ASCL2: variants seen among roughly 807,000 people sequenced by gnomAD.
ASCL2 encodes achaete-scute homolog 2.
A neutral mutation model predicts 5.1 loss-of-function variants in ASCL2; 6 were observed. That is an observed-to-expected ratio of 1.17 (90% confidence interval 0.64 to 2.31). The LOEUF is 2.31. Ranked by LOEUF, ASCL2 falls within the 30% of genes most tolerant of loss-of-function variation. ASCL2 has a pLI of 0.00. For synonymous variants in ASCL2, 174 were observed against 157.3 expected, an observed-to-expected ratio of 1.11 and a Z score of -0.80; for missense variants, 320 against 310.3, an observed-to-expected ratio of 1.03 and a Z score of -0.23.
chr11:2,269,918 C>T lies in ASCL2; in HGVS notation c.415G>A (p.Val139Ile), dbSNP rs1847229116. 1.7e-5 allele frequency: 22 copies of T among 1,282,630 alleles called. No individual in the cohort carries two copies. Among genetic ancestry groups the T allele is most frequent in the Non-Finnish European group, 2.1e-5 (21 of 1,010,782 alleles). The allele number at this position is 1,282,630 out of a possible 1,614,324, so 79.5% of individuals were successfully genotyped here. The change falls in exon 1 of 2, where the codon GTC becomes ATC. Residue 139 changes from valine (V) to isoleucine (I), a missense_variant. Transcript: ENST00000331289. ...GAAGCGCGGGAGGGCGAGGCGGCGA[C>T]CGGGGTGGTCCCTGGCGGCCCGCGG... The part of the protein sequence containing the change: ...APRGPPGTTP[V>I]AASPSRASSS...
At chr11:2,269,397 C>G (rs1425825541) in intron 1 of ASCL2, among the ~76,000 whole-genome samples, 2 of 151,716 alleles carry the variant, frequency 1.3e-5, no homozygotes, top group Non-Finnish European at 2.9e-5. Context: ...ATTTGCAATG[C>G]AAAGTCACCC....
rs1590199771 is a variant in ASCL2 at position 2,270,420 on chromosome 11, G to A, written c.-88C>T. 12 of 1,255,772 alleles carry A rather than the reference G, an allele frequency of 9.6e-6. No homozygotes were observed. In the East Asian group the frequency reaches 2.9e-4, roughly 30 times the overall value. The allele number at this position is 1,255,772 out of a possible 1,614,324, so 77.8% of individuals were successfully genotyped here. On this transcript the variant is annotated 5_prime_UTR_variant, in exon 1 of 2. Transcript: ENST00000331289. ...AACCGGAGGCGACGGGGAAAACTGT[G>A]GCGCCCCAAGGGGGCTTCTGGCACG... is the stretch of plus-strand genomic sequence containing the variant.
rs1048384715 is a variant in ASCL2, at chr11:2,270,012, G to C, written c.321C>G (p.Ala107=). Residue 107 remains alanine (A), a synonymous_variant, in exon 1 of 2, where the codon GCC becomes GCG. Coordinates refer to ENST00000331289, the MANE Select transcript of ASCL2 (RefSeq NM_005170.3). ...GCGCGTTGCGCACGGCGTCGTGCTC[G>C]GCCAGCAGGCGCTGCAGCGCGCGGA... is the stretch of plus-strand genomic sequence containing the variant. ...EYIRALQRLL[A]EHDAVRNALA... 1.1e-5 allele frequency: 15 copies of C among 1,376,856 alleles called. No homozygotes were observed. Among genetic ancestry groups the C allele is most frequent in the South Asian group, 8.2e-5 (5 of 61,004 alleles). The allele number at this position is 1,376,856 out of a possible 1,614,324, so 85.3% of individuals were successfully genotyped here. A position where few individuals can be genotyped will look rare whatever the true frequency, so the allele number is the denominator to read the frequency against.
rs1467054379 is a variant in ASCL2 at position 2,270,309 on chromosome 11, C to A, written c.24G>T (p.Arg8Ser). MDGGTLP[R>S]SAPPAPPVPV... ...GGACGGGGGGCGCAGGGGGCGCGGA[C>A]CTGGGCAGTGTGCCGCCGTCCATCG... Residue 8 changes from arginine (R) to serine (S), a missense_variant, in exon 1 of 2, where the codon AGG (arginine) becomes AGT (serine). Arg to Ser is a moderately radical substitution (Grantham distance 110, BLOSUM62 -1). Transcript: ENST00000331289. 7.6e-7 allele frequency: 1 copy of A among 1,316,720 alleles called. No individual in the cohort carries two copies. The allele number at this position is 1,316,720 out of a possible 1,614,324, so 81.6% of individuals were successfully genotyped here.
In ASCL2 at chr11:2,270,279, G is replaced by T; in HGVS notation, c.54C>A (p.Val18=). 1 of 1,352,216 alleles carries T rather than the reference G, an allele frequency of 7.4e-7. No individual in the cohort carries two copies. Among genetic ancestry groups the T allele is most frequent in the South Asian group, 1.9e-5 (1 of 53,608 alleles). The allele number at this position is 1,352,216 out of a possible 1,614,324, so 83.8% of individuals were successfully genotyped here. The change falls in exon 1 of 2, where the codon GTC becomes GTA. Residue 18 remains valine (V), a synonymous_variant. Coordinates refer to ENST00000331289, the MANE Select transcript of ASCL2 (RefSeq NM_005170.3). Reference sequence around the variant, plus strand: ...CGGGTCTCCGCCGGGCAGCGCAGCCGACAGGGACGGGGGGCGCAGGGGGCG... The same window carrying T: ...CGGGTCTCCGCCGGGCAGCGCAGCCTACAGGGACGGGGGGCGCAGGGGGCG... ...RSAPPAPPVP[V]GCAARRRPAS... is the part of the protein sequence containing the mutation.
rs1453932234 is a variant in ASCL2 at position 2,270,135 on chromosome 11, C to A, written c.198G>T (p.Val66=). The A allele has an allele frequency of 6.5e-7, 1 of 1,529,056 alleles. No individual in the cohort carries two copies. The highest frequency in any genetic ancestry group is 8.7e-7 in the Non-Finnish European group (1 of 1,145,280). The allele number at this position is 1,529,056 out of a possible 1,614,324, so 94.7% of individuals were successfully genotyped here. The change falls in exon 1 of 2, where the codon GTG becomes GTT. Residue 66 remains valine (V), a synonymous_variant. Coordinates refer to ENST00000331289, the MANE Select transcript of ASCL2 (RefSeq NM_005170.3). ...NERERNRVKL[V]NLGFQALRQH... ...GCCGCAGCGCCTGGAAGCCCAAGTT[C>A]ACCAGCTTCACGCGGTTGCGCTCGC...
chr11:2,269,675 ACCCCGTCCCTCCACCCCGGC>A, intron 1 of ASCL2, 38 bp downstream of exon 1: 1 of 576,836 alleles, frequency 1.7e-6, no homozygotes, highest in Non-Finnish European at 2.5e-6. Context: ...GGGCCTGCCC[ACCCCGTCCCTCCACCCCGGC>A]CCCCGGCCCT....
Position 2,269,015 on chromosome 11 carries a change from G to C in ASCL2, c.*130C>G. 6.6e-6 allele frequency: 1 copy of C among 151,760 alleles called. No individual in the cohort carries two copies. The highest frequency in any genetic ancestry group is 1.5e-5 in the Non-Finnish European group (1 of 67,868). The allele number at this position is 151,760 out of a possible 1,614,324, so 9.4% of individuals were successfully genotyped here. ...CGAACGAGGCGGCGTCGGCGGTGCG[G>C]GGGGTGGTGGGTGGGTCCCCGGCTC... On this transcript the variant is annotated 3_prime_UTR_variant, in exon 2 of 2. Coordinates refer to ENST00000331289, the MANE Select transcript of ASCL2 (RefSeq NM_005170.3).
Position 2,270,161 on chromosome 11 carries a change from G to A in ASCL2, c.172C>T (p.Arg58Cys), listed in dbSNP as rs1386179983. The change falls in exon 1 of 2, where the codon CGC becomes TGC. Residue 58 changes from arginine to cysteine, a missense_variant. Transcript: ENST00000331289. ...ACCAGCTTCACGCGGTTGCGCTCGC[G>A]CTCATTGCGCCGCGCTACGGCCGCT... ...GAAAVARRNE[R>C]ERNRVKLVNL... 1 of 1,520,384 alleles carries A rather than the reference G, an allele frequency of 6.6e-7. No individual in the cohort carries two copies. 94.2% of individuals were successfully genotyped at this position (1,520,384 alleles called of 1,614,324 possible).
chr11:2,270,096 G>C lies in ASCL2; in HGVS notation c.237C>G (p.His79Gln), dbSNP rs372274549. Residue 79 changes from histidine (H) to glutamine (Q), a missense_variant, in exon 1 of 2, where the codon CAC becomes CAG. By Grantham distance (24) the His-to-Gln change is conservative. Transcript: ENST00000331289. ...TGCTCAGCTTCTTGCTGGCGCCGCC[G>C]TGCGGCACGTGCTGCCGCAGCGCCT... ...GFQALRQHVP[H>Q]GGASKKLSKV... 89 of 1,504,578 alleles carry C rather than the reference G, an allele frequency of 5.9e-5. No homozygotes were observed. In the African/African-American group the frequency reaches 6.8e-4, roughly 11 times the overall value. The allele number at this position is 1,504,578 out of a possible 1,614,324, so 93.2% of individuals were successfully genotyped here. A position where few individuals can be genotyped will look rare whatever the true frequency, so the allele number is the denominator to read the frequency against.
chr11:2,269,960 C>G lies in ASCL2; in HGVS notation c.373G>C (p.Val125Leu). Residue 125 changes from valine to leucine, a missense_variant, in exon 1 of 2, where the codon GTG becomes CTG. Coordinates refer to ENST00000331289, the MANE Select transcript of ASCL2 (RefSeq NM_005170.3). Reference sequence around the variant, plus strand: ...GGCCCGCGGGGCGCAGACGGCCGCACGGCCTGCGGCCTCAGCCCTCCCGCC... The same window carrying G: ...GGCCCGCGGGGCGCAGACGGCCGCAGGGCCTGCGGCCTCAGCCCTCCCGCC... ...ALAGGLRPQA[V>L]RPSAPRGPPG... 7.8e-7 allele frequency: 1 copy of G among 1,287,144 alleles called. No homozygotes were observed. The allele number at this position is 1,287,144 out of a possible 1,614,324, so 79.7% of individuals were successfully genotyped here. A position where few individuals can be genotyped will look rare whatever the true frequency, so the allele number is the denominator to read the frequency against.
chr11:2,269,681 T>TGCCCCCCC, intron 1 of ASCL2, 52 bp downstream of exon 1: 1 of 688,782 alleles, frequency 1.5e-6, no homozygotes, highest in Non-Finnish European at 2.1e-6. Context: ...GCCCACCCCG[T>TGCCCCCCC]CCCTCCACCC....
intron 1 of ASCL2, among the ~76,000 whole-genome samples, chr11:2,269,527 G>C (rs993349913): frequency 1.3e-5 from 2 of 152,180 alleles, no homozygotes; most frequent in Non-Finnish European, 2.9e-5. Flanking sequence ...GCGAGGGGAA[G>C]TTTTGCAATC....
intron 1 of ASCL2, 32 bp downstream of exon 1, chr11:2,269,699 CGG>C: frequency 8.8e-5 from 113 of 1,285,732 alleles, no homozygotes; most frequent in Non-Finnish European, 9.5e-5. Flanking sequence ...CCCCGGCCCC[CGG>C]CCCTCCCTCC....
At position 2,270,222 on chromosome 11, in the gene ASCL2, C is replaced by T. The variant is rs775366015; in HGVS notation, c.111G>A (p.Arg37=). The T allele has an allele frequency of 1.4e-6, 2 of 1,450,386 alleles. No individual in the cohort carries two copies. Among genetic ancestry groups the T allele is most frequent in the Non-Finnish European group, 1.8e-6 (2 of 1,108,452 alleles). 89.8% of individuals were successfully genotyped at this position (1,450,386 alleles called of 1,614,324 possible). A position where few individuals can be genotyped will look rare whatever the true frequency, so the allele number is the denominator to read the frequency against. ...ASPELLRCSR[R]RRPATAETGG... ...CGGTCTCTGCGGTGGCCGGTCGCCG[C>T]CGCCGGCTGCAGCGCAACAGTTCCG... Residue 37 remains arginine, a synonymous_variant, in exon 1 of 2, where the codon CGG becomes CGA. Coordinates refer to ENST00000331289, the MANE Select transcript of ASCL2 (RefSeq NM_005170.3).
In ASCL2 at chr11:2,270,553, T is replaced by A; in HGVS notation, c.-221A>T. ...CGCGCCAGGGAGCGTGGGACGCTCGTGTCCCGCGCGTGCGGCCGGACTCTC... is the reference window on the plus strand; with the variant it reads ...CGCGCCAGGGAGCGTGGGACGCTCGAGTCCCGCGCGTGCGGCCGGACTCTC... On this transcript the variant is annotated 5_prime_UTR_variant, in exon 1 of 2. Coordinates refer to ENST00000331289, the MANE Select transcript of ASCL2 (RefSeq NM_005170.3). 1.1e-6 allele frequency: 1 copy of A among 883,798 alleles called. No individual in the cohort carries two copies. Among genetic ancestry groups the A allele is most frequent in the Non-Finnish European group, 1.5e-6 (1 of 661,444 alleles). 54.7% of individuals were successfully genotyped at this position (883,798 alleles called of 1,614,324 possible).
At position 2,268,980 on chromosome 11, in the gene ASCL2, C is replaced by T. The variant is rs1421125168; in HGVS notation, c.*165G>A. On this transcript the variant is annotated 3_prime_UTR_variant, in exon 2 of 2. Coordinates refer to ENST00000331289, the MANE Select transcript of ASCL2 (RefSeq NM_005170.3). This position sits in a 1 kb window ranked among gnomAD's most constrained non-coding sequence, Gnocchi z 4.5. ...CGTTTCCACCGCGGCATTGGTCAGGCTGGGCCGGACGAACGAGGCGGCGTC... is the reference window on the plus strand; with the variant it reads ...CGTTTCCACCGCGGCATTGGTCAGGTTGGGCCGGACGAACGAGGCGGCGTC... The T allele has an allele frequency of 8.1e-6, 1 of 123,494 alleles. No individual in the cohort carries two copies. Among genetic ancestry groups the T allele is most frequent in the Non-Finnish European group, 1.6e-5 (1 of 62,098 alleles). 7.6% of individuals were successfully genotyped at this position (123,494 alleles called of 1,614,324 possible).
Position 2,270,345 on chromosome 11 carries a change from C to T in ASCL2, c.-13G>A, listed in dbSNP as rs576080426. On this transcript the variant is annotated 5_prime_UTR_variant, in exon 1 of 2. Transcript: ENST00000331289. ...TGCCGCCGTCCATCGCGCCTGCATC[C>T]ACCCGCCCGCTCCAGGTCCCGGCGC... is the stretch of plus-strand genomic sequence containing the variant. 1.8e-5 allele frequency: 23 copies of T among 1,277,008 alleles called. No individual in the cohort carries two copies. The highest frequency in any genetic ancestry group is 2.2e-5 in the Non-Finnish European group (22 of 1,014,248). 79.1% of individuals were successfully genotyped at this position (1,277,008 alleles called of 1,614,324 possible).
chr11:2,270,166 T>TTGCGCCGCGCTACGGCCGC lies in ASCL2; in HGVS notation c.148_166dup (p.Asn56SerfsTer8). 6.6e-7 allele frequency: 1 copy of TTGCGCCGCGCTACGGCCGC among 1,519,178 alleles called. No homozygotes were observed. The highest frequency in any genetic ancestry group is 8.8e-7 in the Non-Finnish European group (1 of 1,141,430). The allele number at this position is 1,519,178 out of a possible 1,614,324, so 94.1% of individuals were successfully genotyped here. Reference sequence around the variant, plus strand: ...CTTCACGCGGTTGCGCTCGCGCTCATTGCGCCGCGCTACGGCCGCTGCGCC... The same window carrying TTGCGCCGCGCTACGGCCGC: ...CTTCACGCGGTTGCGCTCGCGCTCATTGCGCCGCGCTACGGCCGCTGCGCCGCGCTACGGCCGCTGCGCC... On this transcript the variant is annotated frameshift_variant, in exon 1 of 2. Transcript: ENST00000331289. LOFTEE classifies it high-confidence loss of function.
Sources: allele counts gnomAD v4.1 joint callset (sites outside exome capture counted in the v4.1 genomes callset), GRCh38; gene constraint gnomAD v4.1.1; non-coding constraint Gnocchi (gnomAD v3.1); transcripts MANE v1.5; gene names NCBI Gene and HGNC (gene_info 2026-07-23, HGNC 2026-07-21).